Variants in HCN1 observed in about 807,000 individuals in gnomAD.
HCN1 encodes potassium/sodium hyperpolarization-activated cyclic nucleotide-gated channel 1.
Under a neutral mutation model 78.9 loss-of-function variants are expected in HCN1, and 13 were observed. The ratio of observed to expected loss-of-function variants is 0.16; its 90% CI spans 0.11 to 0.26. The LOEUF (loss-of-function observed/expected upper bound fraction) is 0.26. Ranked by LOEUF, HCN1 falls within the 10% of genes least tolerant of loss-of-function variation. HCN1 has a pLI of 1.00. For missense variants in HCN1, 810 were observed against 1,154.3 expected (o/e 0.70, Z 4.32); for synonymous variants, 552 against 455.5 (o/e 1.21, Z -2.70).
chr5:45,435,966 A>C (rs1579893278), intron 3 of HCN1, among the ~76,000 whole-genome samples: 1 of 152,264 alleles, frequency 6.6e-6, no homozygotes, highest in Admixed American at 6.5e-5. Flanking sequence ...CCGCCAATAA[A>C]ATTCCATTAT....
intron 2 of HCN1, among the ~76,000 whole-genome samples, chr5:45,618,484 A>T: frequency 6.6e-6 from 1 of 152,088 alleles, no homozygotes. Flanking sequence ...AGAGGCTTTA[A>T]ACAGAGAAGT....
chr5:45,515,270 C>A (rs1410325830), intron 2 of HCN1, among the ~76,000 whole-genome samples: 4 of 151,874 alleles, frequency 2.6e-5, no homozygotes, highest in Non-Finnish European at 5.9e-5. Context: ...CCCAAAGAAG[C>A]TCTCATTATC....
intron 2 of HCN1, among the ~76,000 whole-genome samples, chr5:45,619,321 AAAAATAACT>A (rs1745015254): frequency 6.6e-6 from 1 of 152,128 alleles, no homozygotes; most frequent in Non-Finnish European, 1.5e-5. Flanking sequence ...GTTCTTCAAC[AAAAATAACT>A]ATGGATCCCT....
At chr5:45,449,155 C>G (rs1740859136) in intron 3 of HCN1, among the ~76,000 whole-genome samples, 1 of 152,066 alleles carries the variant, frequency 6.6e-6, no homozygotes, top group African/African-American at 2.4e-5. Context: ...TTATTTACCT[C>G]AAAATTCTGT....
intron 3 of HCN1, among the ~76,000 whole-genome samples, chr5:45,445,056 C>T (rs895896737): frequency 1.3e-5 from 2 of 152,248 alleles, no homozygotes; most frequent in Admixed American, 6.5e-5. Flanking sequence ...TGCAGCGCAC[C>T]GTGCGTGAGC....
intron 3 of HCN1, among the ~76,000 whole-genome samples, chr5:45,449,880 C>G (rs1414791401): frequency 6.6e-6 from 1 of 152,172 alleles, no homozygotes; most frequent in Non-Finnish European, 1.5e-5. Flanking sequence ...CTCTGTCCCC[C>G]AGGCTGGAGT....
chr5:45,391,295 T>C (rs1283454267), intron 4 of HCN1, among the ~76,000 whole-genome samples: 2 of 152,140 alleles, frequency 1.3e-5, no homozygotes, highest in South Asian at 2.1e-4. Context: ...TCAGTCGATA[T>C]GATTTTTCAA....
intron 2 of HCN1, among the ~76,000 whole-genome samples, chr5:45,522,778 C>T (rs575737420): frequency 3.9e-5 from 6 of 152,000 alleles, no homozygotes; most frequent in African/African-American, 1.2e-4. Flanking sequence ...TGCTTGTTTT[C>T]CTAAATAGTT....
intron 4 of HCN1, among the ~76,000 whole-genome samples, chr5:45,361,755 C>T (rs1279300561): frequency 6.6e-6 from 1 of 152,110 alleles, no homozygotes; most frequent in Non-Finnish European, 1.5e-5. Flanking sequence ...GTTGTTTACA[C>T]TACATAGGTT....
chr5:45,566,530 T>C (rs1743709611), intron 2 of HCN1, among the ~76,000 whole-genome samples: 1 of 152,168 alleles, frequency 6.6e-6, no homozygotes, highest in Non-Finnish European at 1.5e-5. Flanking sequence ...TGCAGCTTTA[T>C]ACATCAAAAT....
In HCN1 at chr5:45,444,845, A is replaced by C. The variant is rs181935577; in HGVS notation, c.1011+17001T>G. Reference sequence around the variant, plus strand: ...ACTTTAAGATTTAGGGTACATGTGCACAATGTGCAGGTTAGCTACATGTGC... The same window carrying C: ...ACTTTAAGATTTAGGGTACATGTGCCCAATGTGCAGGTTAGCTACATGTGC... On this transcript the variant is annotated intron_variant, in intron 3 of 7. Coordinates refer to ENST00000303230, the MANE Select transcript of HCN1 (RefSeq NM_021072.4). Among the ~76,000 whole-genome samples, 262 of 152,054 alleles carry C rather than the reference A, an allele frequency of 1.7e-3. 1 individual carries two copies. The highest frequency in any genetic ancestry group is 6.1e-3 in the African/African-American group (253 of 41,486).
intron 6 of HCN1, among the ~76,000 whole-genome samples, chr5:45,284,515 C>A (rs749777582): frequency 2.6e-5 from 4 of 152,098 alleles, no homozygotes; most frequent in Non-Finnish European, 5.9e-5. Flanking sequence ...GGAGACTTAG[C>A]ATCTGTGCAC....
chr5:45,353,022 T>G lies in HCN1; in HGVS notation c.1377+78A>C, dbSNP rs1746943743. On this transcript the variant is annotated intron_variant, in intron 5 of 7. Coordinates refer to ENST00000303230, the MANE Select transcript of HCN1 (RefSeq NM_021072.4). ...GTTTAGGTTTTTCTTTAGAGTAACG[T>G]GGACTAGAAGATTCTCCATGAAGAG... 5 of 1,267,158 alleles carry G rather than the reference T, an allele frequency of 3.9e-6. No homozygotes were observed. The Admixed American group carries it at 6.9e-5, about 18-fold the overall frequency. The allele number at this position is 1,267,158 out of a possible 1,614,324, so 78.5% of individuals were successfully genotyped here. A position where few individuals can be genotyped will look rare whatever the true frequency, so the allele number is the denominator to read the frequency against.
chr5:45,356,191 T>C (rs959553943), intron 4 of HCN1, among the ~76,000 whole-genome samples: 3 of 151,996 alleles, frequency 2.0e-5, no homozygotes, highest in African/African-American at 7.2e-5. Flanking sequence ...ATATACTATA[T>C]GCAAAATATG....
intron 2 of HCN1, among the ~76,000 whole-genome samples, chr5:45,611,268 T>TC (rs1744830688): frequency 6.8e-6 from 1 of 147,108 alleles, no homozygotes; most frequent in Non-Finnish European, 1.5e-5. Context: ...TTTATCTTTT[T>TC]CTTTTTTTTT....
chr5:45,512,955 T>C (rs905554546), intron 2 of HCN1, among the ~76,000 whole-genome samples: 2 of 152,150 alleles, frequency 1.3e-5, no homozygotes, highest in Non-Finnish European at 2.9e-5. Flanking sequence ...AAGTTCCAAC[T>C]CACGCCAGAG....
At chr5:45,681,401 A>G (rs1739700161) in intron 1 of HCN1, among the ~76,000 whole-genome samples, 1 of 152,036 alleles carries the variant, frequency 6.6e-6, no homozygotes, top group Non-Finnish European at 1.5e-5. Flanking sequence ...TTCAGACTCA[A>G]GTTCTTTTTG....
At chr5:45,356,683 T>G (rs1747012881) in intron 4 of HCN1, among the ~76,000 whole-genome samples, 1 of 152,052 alleles carries the variant, frequency 6.6e-6, no homozygotes, top group Non-Finnish European at 1.5e-5. Flanking sequence ...TGTACCTTTA[T>G]GCACCATGTT....
chr5:45,372,713 A>G (rs982215878), intron 4 of HCN1, among the ~76,000 whole-genome samples: 5 of 143,328 alleles, frequency 3.5e-5, no homozygotes, highest in African/African-American at 1.2e-4. Context: ...GTATTTATAT[A>G]TAAAAATATA....
Sources: allele counts gnomAD v4.1 joint callset (sites outside exome capture counted in the v4.1 genomes callset), GRCh38; gene constraint gnomAD v4.1.1; transcripts MANE v1.5; gene names NCBI Gene and HGNC (gene_info 2026-07-23, HGNC 2026-07-21).